FANCC: variants seen among roughly 807,000 people sequenced by gnomAD.
FANCC encodes the protein Fanconi anemia group C protein.
FANCC carries 55 observed loss-of-function variants against 71.3 expected under a neutral mutation model. That is an observed-to-expected ratio of 0.77 (90% CI 0.62 to 0.97). The LOEUF (loss-of-function observed/expected upper bound fraction) is 0.97, where lower values mean the gene tolerates loss of function less well. Among genes scored for constraint, FANCC ranks in the 50% least tolerant of loss-of-function variants. The probability of loss-of-function intolerance (pLI) is 0.00; values close to 1 mark genes in which losing one functional copy is unlikely to be tolerated. For missense variants in FANCC, 678 were observed against 670.9 expected, an observed-to-expected ratio of 1.01 and a Z score of -0.12; for synonymous variants, 275 against 244.9, an observed-to-expected ratio of 1.12 and a Z score of -1.15.
At chr9:95,281,820 C>G (rs928346662) in intron 1 of FANCC, among the ~76,000 whole-genome samples, 1 of 151,876 alleles carries the variant, frequency 6.6e-6, no homozygotes, top group Non-Finnish European at 1.5e-5. Flanking sequence ...TCTTTTCGAT[C>G]AAAGTTGCTA....
chr9:95,194,007 C>T (rs1265303374), intron 4 of FANCC, among the ~76,000 whole-genome samples: 2 of 152,138 alleles, frequency 1.3e-5, no homozygotes, highest in Non-Finnish European at 1.5e-5. Flanking sequence ...CAAGGCTGCA[C>T]ACCAGTACCA....
intron 6 of FANCC, among the ~76,000 whole-genome samples, chr9:95,168,151 T>C (rs1463336365): frequency 2.0e-5 from 3 of 152,214 alleles, no homozygotes; most frequent in African/African-American, 7.2e-5. Flanking sequence ...TCTCCAGTGC[T>C]GCAACAAGCT....
At chr9:95,139,771 G>T (rs936303664) in intron 7 of FANCC, among the ~76,000 whole-genome samples, 2 of 149,462 alleles carry the variant, frequency 1.3e-5, no homozygotes, top group African/African-American at 4.9e-5. Context: ...AGGAGGTAAT[G>T]AACATTTTCT....
intron 6 of FANCC, among the ~76,000 whole-genome samples, chr9:95,156,445 T>C (rs747383729): frequency 1.4e-4 from 21 of 152,236 alleles, no homozygotes; most frequent in Non-Finnish European, 2.5e-4. Context: ...AAGAATTTTA[T>C]AATTCAACCA....
intron 6 of FANCC, among the ~76,000 whole-genome samples, chr9:95,159,719 G>A (rs1326622339): frequency 1.3e-5 from 2 of 152,064 alleles, no homozygotes; most frequent in East Asian, 1.9e-4. Flanking sequence ...TTTAATGATC[G>A]CCATTCTAAC....
Position 95,236,225 on chromosome 9 carries a change from C to T in FANCC, c.345+4424G>A, listed in dbSNP as rs989174117. On this transcript the variant is annotated intron_variant, in intron 4 of 14. Coordinates refer to ENST00000289081, the MANE Select transcript of FANCC (RefSeq NM_000136.3). ...TGGTTTTGCCAGAGAAGACAGGCAT[C>T]CTCTTACATTTGGCAGGCCCTGGAA... Among the ~76,000 whole-genome samples, 3 of 152,164 alleles carry T rather than the reference C, an allele frequency of 2.0e-5. No homozygotes were observed. The South Asian group carries it at 6.2e-4, about 32-fold the overall frequency.
rs1244519145 is a variant in FANCC, at chr9:95,213,159, CTTTCT to C, written c.345+27485_345+27489del. On this transcript the variant is annotated intron_variant, in intron 4 of 14. Coordinates refer to ENST00000289081, the MANE Select transcript of FANCC (RefSeq NM_000136.3). ...AATATTTTTATAATTAATTTCATTT[CTTTCT>C]TTTGAGTTTTTCAATGTTGCTAATG... Among the ~76,000 whole-genome samples, 7 of 152,178 alleles carry C rather than the reference CTTTCT, an allele frequency of 4.6e-5. No homozygotes were observed. In the East Asian group the frequency reaches 7.7e-4, roughly 17 times the overall value.
intron 1 of FANCC, among the ~76,000 whole-genome samples, chr9:95,260,144 G>A (rs1190502871): frequency 6.6e-6 from 1 of 152,138 alleles, no homozygotes; most frequent in African/African-American, 2.4e-5. Context: ...GATTCCTCAA[G>A]GATCTAGAAC....
In FANCC at chr9:95,099,150, G is replaced by C. The variant is rs1042786067; in HGVS notation, c.*2557C>G. The stretch of plus-strand genomic sequence containing the variant: ...AATTCCACAGATGTCACGGAGTCCA[G>C]GGGAATAACAGCCTGGTTGGAGGGG... On this transcript the variant is annotated 3_prime_UTR_variant, in exon 15 of 15. Transcript: ENST00000289081. 1.4e-5 allele frequency: 3 copies of C among 216,040 alleles called. No homozygotes were observed. Among genetic ancestry groups the C allele is most frequent in the Middle Eastern group, 1.4e-3 (1 of 720 alleles). The allele number at this position is 216,040 out of a possible 1,614,324, so 13.4% of individuals were successfully genotyped here.
In FANCC at chr9:95,181,159, TTGTGTGTGTGTG is replaced by T. The variant is rs10692344; in HGVS notation, c.346-9024_346-9013del. On this transcript the variant is annotated intron_variant, in intron 4 of 14. Coordinates refer to ENST00000289081, the MANE Select transcript of FANCC (RefSeq NM_000136.3). ...ACATACACACACACACACGTACACA[TTGTGTGTGTGTG>T]TGTGTGTGTGTGTGTGTGTATGAAA... is the stretch of plus-strand genomic sequence containing the variant. 2.0e-3 allele frequency among the ~76,000 whole-genome samples: 299 copies of T among 148,330 alleles called. 2 individuals carry two copies. The highest frequency in any genetic ancestry group is 5.3e-3 in the African/African-American group (212 of 40,356).
chr9:95,256,846 C>A (rs1454187900), intron 1 of FANCC, among the ~76,000 whole-genome samples: 3 of 151,212 alleles, frequency 2.0e-5, no homozygotes, highest in Non-Finnish European at 4.4e-5. Context: ...GAATATTTAC[C>A]AAGCAAATGG....
chr9:95,107,610 C>T (rs778033735), intron 13 of FANCC: 66 of 419,810 alleles, frequency 1.6e-4, no homozygotes, highest in South Asian at 1.0e-3. Context: ...CTTGAAGACT[C>T]GCCTATCACA....
chr9:95,196,989 T>C (rs1827497184), intron 4 of FANCC, among the ~76,000 whole-genome samples: 1 of 152,212 alleles, frequency 6.6e-6, no homozygotes, highest in African/African-American at 2.4e-5. Flanking sequence ...ATGAGCTTTT[T>C]CAAGCTTTGA....
intron 8 of FANCC, chr9:95,126,949 T>G (rs898453650): frequency 3.1e-5 from 9 of 289,114 alleles, no homozygotes; most frequent in Admixed American, 1.4e-4. Flanking sequence ...TGTGCCTGTG[T>G]GACCTCCTCA....
chr9:95,237,545 G>A (rs983716042), intron 4 of FANCC, among the ~76,000 whole-genome samples: 1 of 152,222 alleles, frequency 6.6e-6, no homozygotes, highest in Non-Finnish European at 1.5e-5. Flanking sequence ...CACGGCGGCC[G>A]CCTGCCACAT....
intron 4 of FANCC, among the ~76,000 whole-genome samples, chr9:95,215,100 A>G (rs1043756928): frequency 1.3e-5 from 2 of 152,234 alleles, no homozygotes; most frequent in Admixed American, 6.5e-5. Flanking sequence ...CCAAACTAGC[A>G]GTAATTTTAA....
At chr9:95,121,204 T>G (rs968908054) in intron 10 of FANCC, among the ~76,000 whole-genome samples, 1 of 152,242 alleles carries the variant, frequency 6.6e-6, no homozygotes, top group African/African-American at 2.4e-5. Flanking sequence ...GAAACTGACC[T>G]GACTGGCTGT....
chr9:95,298,767 AAAACCAACTGGC>A (rs2136349650), intron 1 of FANCC, among the ~76,000 whole-genome samples: 1 of 152,378 alleles, frequency 6.6e-6, no homozygotes, highest in East Asian at 1.9e-4. Flanking sequence ...AAAAGCAGTC[AAAACCAACTGGC>A]AAAATCATTG....
At chr9:95,288,702 C>T (rs1833832573) in intron 1 of FANCC, among the ~76,000 whole-genome samples, 1 of 151,820 alleles carries the variant, frequency 6.6e-6, no homozygotes, top group African/African-American at 2.4e-5. Context: ...AATCTGAATC[C>T]AGTGCTTCTA....
Sources: allele counts gnomAD v4.1 joint callset (sites outside exome capture counted in the v4.1 genomes callset), GRCh38; gene constraint gnomAD v4.1.1; transcripts MANE v1.5; gene names NCBI Gene and HGNC (gene_info 2026-07-23, HGNC 2026-07-21).